The following EFCAB13 variants were observed in gnomAD, a reference collection of about 807,000 sequenced individuals.
EFCAB13 encodes the protein EF-hand calcium-binding domain-containing protein 13.
EFCAB13 carries 91 observed loss-of-function variants against 110.2 expected under a neutral mutation model. The ratio of observed to expected loss-of-function variants is 0.83; its 90% confidence interval spans 0.70 to 0.98. The LOEUF is 0.98. EFCAB13 is among the 50% of genes least tolerant of loss of function. The pLI, the probability that EFCAB13 is intolerant of heterozygous loss-of-function variation, is 0.00. For missense variants in EFCAB13, 968 were observed against 1,119.4 expected (o/e 0.86, Z 1.93); for synonymous variants, 323 against 369.9 (o/e 0.87, Z 1.45).
intron 10 of EFCAB13, among the ~76,000 whole-genome samples, chr17:47,362,349 T>G (rs2065519029): frequency 6.6e-6 from 1 of 152,042 alleles, no homozygotes; most frequent in Non-Finnish European, 1.5e-5. Context: ...GAGCCTTCTG[T>G]TATGCCTGGA....
At chr17:47,409,949 C>T (rs1324586336) in intron 21 of EFCAB13, among the ~76,000 whole-genome samples, 1 of 152,106 alleles carries the variant, frequency 6.6e-6, no homozygotes, top group Admixed American at 6.6e-5. Flanking sequence ...GCTTTCTGTA[C>T]TTCAACTAAA....
At chr17:47,361,104 G>A (rs1294367212) in intron 9 of EFCAB13, among the ~76,000 whole-genome samples, 3 of 152,190 alleles carry the variant, frequency 2.0e-5, no homozygotes, top group Admixed American at 6.5e-5. Flanking sequence ...GGGCCATGCT[G>A]AATATTTCCT....
At chr17:47,421,529 C>A (rs990313512) in intron 23 of EFCAB13, among the ~76,000 whole-genome samples, 3 of 151,246 alleles carry the variant, frequency 2.0e-5, no homozygotes, top group African/African-American at 7.3e-5. Flanking sequence ...AAACCAGAGA[C>A]CTTTGTTCAC....
At chr17:47,326,661 T>C (rs1270821225) in intron 3 of EFCAB13, among the ~76,000 whole-genome samples, 1 of 152,054 alleles carries the variant, frequency 6.6e-6, no homozygotes, top group Non-Finnish European at 1.5e-5. Flanking sequence ...ACAAGAATAG[T>C]GAAGGCAGTA....
At chr17:47,418,862 T>A (rs1022084636) in intron 23 of EFCAB13, among the ~76,000 whole-genome samples, 1 of 152,186 alleles carries the variant, frequency 6.6e-6, no homozygotes, top group Non-Finnish European at 1.5e-5. Flanking sequence ...TGATCATAGA[T>A]GTATGGGTTT....
At chr17:47,347,251 G>T (rs1259010478) in intron 8 of EFCAB13, among the ~76,000 whole-genome samples, 1 of 152,182 alleles carries the variant, frequency 6.6e-6, no homozygotes, top group Non-Finnish European at 1.5e-5. Context: ...CTGCATTCCA[G>T]CCTGAGCAAC....
intron 23 of EFCAB13, among the ~76,000 whole-genome samples, chr17:47,420,382 T>G (rs1372801373): frequency 6.6e-6 from 1 of 152,250 alleles, no homozygotes; most frequent in Non-Finnish European, 1.5e-5. Flanking sequence ...ATCTGGGAAG[T>G]GAGGAGCGTC....
intron 5 of EFCAB13, chr17:47,341,348 T>G (rs987692434): frequency 2.0e-5 from 3 of 152,286 alleles, no homozygotes; most frequent in Non-Finnish European, 2.9e-5. Context: ...ATTGTTAATT[T>G]TTAGCTGTCA....
Position 47,351,300 on chromosome 17 carries a change from TGTGTGCGCGCGC to T in EFCAB13, c.661+3351_661+3362del, listed in dbSNP as rs960214590. ...TCCACTGTGTGTGTGTGTGTGTGTG[TGTGTGCGCGCGC>T]GCGCGCGCGCGCGCGCCACGTTTTC... On this transcript the variant is annotated intron_variant, in intron 9 of 24. Transcript: ENST00000331493. Among the ~76,000 whole-genome samples, 47 of 110,700 alleles carry T rather than the reference TGTGTGCGCGCGC, an allele frequency of 4.2e-4. 1 individual carries two copies. The highest frequency in any genetic ancestry group is 2.6e-3 in the Admixed American group (30 of 11,336). The allele number at this position is 110,700 out of a possible 152,430, so 72.6% of individuals were successfully genotyped here. A position where few individuals can be genotyped will look rare whatever the true frequency, so the allele number is the denominator to read the frequency against.
At chr17:47,329,547 T>G (rs368960246) in intron 4 of EFCAB13, among the ~76,000 whole-genome samples, 2 of 152,208 alleles carry the variant, frequency 1.3e-5, no homozygotes, top group African/African-American at 4.8e-5. Flanking sequence ...CCTACTACTT[T>G]GTTGATTTTG....
At chr17:47,391,232 G>A (rs1598746453) in intron 14 of EFCAB13, among the ~76,000 whole-genome samples, 1 of 152,110 alleles carries the variant, frequency 6.6e-6, no homozygotes, top group Non-Finnish European at 1.5e-5. Context: ...GAGCTACTGT[G>A]TGTGGCCTAG....
chr17:47,370,079 C>G (rs560858099), intron 10 of EFCAB13, among the ~76,000 whole-genome samples: 1 of 152,294 alleles, frequency 6.6e-6, no homozygotes, highest in African/African-American at 2.4e-5. Flanking sequence ...AACACATCCT[C>G]TGTTCTTGAG....
intron 24 of EFCAB13, among the ~76,000 whole-genome samples, chr17:47,436,231 T>C (rs1186165500): frequency 1.3e-5 from 2 of 152,142 alleles, no homozygotes; most frequent in Non-Finnish European, 2.9e-5. Flanking sequence ...AGTCCGTAGT[T>C]TTCTTTTTTG....
At chr17:47,426,524 A>G (rs940857900) in intron 23 of EFCAB13, among the ~76,000 whole-genome samples, 7 of 152,174 alleles carry the variant, frequency 4.6e-5, no homozygotes, top group African/African-American at 1.7e-4. Context: ...TTGTTTTAAG[A>G]GGTATTTCAG....
At chr17:47,334,679 G>A (rs1401962920) in intron 4 of EFCAB13, among the ~76,000 whole-genome samples, 1 of 152,188 alleles carries the variant, frequency 6.6e-6, no homozygotes, top group Non-Finnish European at 1.5e-5. Context: ...ACTTTGGGAG[G>A]CTGAGGTGGG....
At chr17:47,387,541 C>G (rs994653978) in intron 14 of EFCAB13, among the ~76,000 whole-genome samples, 2 of 152,106 alleles carry the variant, frequency 1.3e-5, no homozygotes, top group African/African-American at 4.8e-5. Context: ...TGGATCAGCC[C>G]CTTTATTATT....
chr17:47,366,719 C>T (rs1174630122), intron 10 of EFCAB13, among the ~76,000 whole-genome samples: 2 of 152,238 alleles, frequency 1.3e-5, no homozygotes, highest in African/African-American at 2.4e-5. Context: ...TTCAGATTCT[C>T]GAACGCGTCT....
At chr17:47,395,709 TTATGC>T in intron 16 of EFCAB13, 120 bp from the exon 17 acceptor site, 1 of 633,086 alleles carries the variant, frequency 1.6e-6, no homozygotes, top group Non-Finnish European at 2.4e-6. Flanking sequence ...GGCAATTCAT[TTATGC>T]TATATTTATT....
intron 9 of EFCAB13, among the ~76,000 whole-genome samples, chr17:47,348,653 G>C (rs2065431634): frequency 6.6e-6 from 1 of 152,006 alleles, no homozygotes; most frequent in South Asian, 2.1e-4. Context: ...TAGATATACG[G>C]TTATTATCTG....
Sources: allele counts gnomAD v4.1 joint callset (sites outside exome capture counted in the v4.1 genomes callset), GRCh38; gene constraint gnomAD v4.1.1; transcripts MANE v1.5; gene names NCBI Gene and HGNC (gene_info 2026-07-23, HGNC 2026-07-21).